Variants in YAE1 observed in about 807,000 individuals in gnomAD.
YAE1 encodes protein YAE1 homolog.
YAE1 carries 22 observed loss-of-function variants against 23.0 expected under a neutral mutation model. The ratio of observed to expected loss-of-function variants is 0.96; its 90% CI spans 0.68 to 1.37. The LOEUF is 1.37. YAE1 is among the 40% of genes most tolerant of loss of function. YAE1 has a pLI of 0.00. For synonymous variants in YAE1, 101 were observed against 97.0 expected, an observed-to-expected ratio of 1.04 and a Z score of -0.24; for missense variants, 260 against 262.1, an observed-to-expected ratio of 0.99 and a Z score of 0.06.
At chr7:39,571,255 T>C (rs1288960789) in intron 2 of YAE1, among the ~76,000 whole-genome samples, 2 of 151,112 alleles carry the variant, frequency 1.3e-5, no homozygotes, top group Non-Finnish European at 2.9e-5. Context: ...GAAATTTTTT[T>C]CATGATATTT....
intron 2 of YAE1, among the ~76,000 whole-genome samples, chr7:39,607,821 AC>A (rs1341413987): frequency 6.6e-6 from 1 of 152,100 alleles, no homozygotes; most frequent in Non-Finnish European, 1.5e-5. Flanking sequence ...GGCGTGTGCC[AC>A]CATGCCTGGC....
At chr7:39,608,970 T>C (rs1201296207) in intron 2 of YAE1, among the ~76,000 whole-genome samples, 1 of 152,236 alleles carries the variant, frequency 6.6e-6, no homozygotes, top group African/African-American at 2.4e-5. Context: ...AAGCCTGACA[T>C]GAGCTTAATG....
At chr7:39,583,026 A>T (rs1186231622) in intron 2 of YAE1, among the ~76,000 whole-genome samples, 1 of 152,266 alleles carries the variant, frequency 6.6e-6, no homozygotes, top group Non-Finnish European at 1.5e-5. Flanking sequence ...AGGTGATTTT[A>T]AAAACTTGCA....
intron 2 of YAE1, among the ~76,000 whole-genome samples, chr7:39,581,766 G>A (rs1790745959): frequency 6.6e-6 from 1 of 152,030 alleles, no homozygotes; most frequent in East Asian, 2.0e-4. Flanking sequence ...AACTACTTGG[G>A]AAGGCTGAGG....
intron 2 of YAE1, among the ~76,000 whole-genome samples, chr7:39,595,597 G>C (rs150656279): frequency 6.6e-6 from 1 of 152,146 alleles, no homozygotes; most frequent in African/African-American, 2.4e-5. Flanking sequence ...ATCAAATTAT[G>C]TATTTTTAAC....
At chr7:39,581,871 CA>C (rs1027186217) in intron 2 of YAE1, among the ~76,000 whole-genome samples, 1 of 140,786 alleles carries the variant, frequency 7.1e-6, no homozygotes. Flanking sequence ...GACCCAGTCT[CA>C]AAAAAAAAAT....
chr7:39,598,196 G>A (rs2876860), intron 2 of YAE1, among the ~76,000 whole-genome samples: 21,561 of 151,774 alleles, frequency 0.14, 3,978 homozygotes, highest in African/African-American at 0.43. Context: ...TGCAACTTCC[G>A]CCTCCCAGGT....
intron 2 of YAE1, among the ~76,000 whole-genome samples, chr7:39,595,978 C>A (rs1790966717): frequency 1.3e-5 from 2 of 152,124 alleles, no homozygotes; most frequent in South Asian, 4.1e-4. Context: ...AAATTTCAGA[C>A]CTAATCATTA....
At chr7:39,583,328 G>A (rs371191652) in intron 2 of YAE1, among the ~76,000 whole-genome samples, 55 of 152,116 alleles carry the variant, frequency 3.6e-4, no homozygotes, top group Non-Finnish European at 7.5e-4. Context: ...TATTGCATTT[G>A]TCACAATATT....
chr7:39,610,609 A>C (rs924172068), downstream of YAE1, among the ~76,000 whole-genome samples: 1 of 152,172 alleles, frequency 6.6e-6, no homozygotes, highest in Non-Finnish European at 1.5e-5. Flanking sequence ...TTCTGTAAGA[A>C]GTGTGTGTGA....
rs546740603 is a variant in YAE1, at chr7:39,608,390, G to A, written c.252-1227G>A. Among the ~76,000 whole-genome samples the A allele has an allele frequency of 6.6e-5, 10 of 152,292 alleles. No individual in the cohort carries two copies. In the East Asian group the frequency reaches 7.7e-4, roughly 12 times the overall value. Reference sequence around the variant, plus strand: ...CAAGTGACTGCTGACAAGAGAAGACGTAGGGATTGAGAGAGACAGGCAGTG... The same window carrying A: ...CAAGTGACTGCTGACAAGAGAAGACATAGGGATTGAGAGAGACAGGCAGTG... On this transcript the variant is annotated intron_variant, in intron 2 of 2. Transcript: ENST00000432096.
At chr7:39,588,543 A>C (rs1231881226) in intron 2 of YAE1, among the ~76,000 whole-genome samples, 1 of 151,018 alleles carries the variant, frequency 6.6e-6, no homozygotes, top group African/African-American at 2.4e-5. Context: ...AAAAAATGGG[A>C]GCTACCCCCC....
At chr7:39,600,673 A>G (rs1294147915) in intron 2 of YAE1, among the ~76,000 whole-genome samples, 2 of 152,212 alleles carry the variant, frequency 1.3e-5, no homozygotes, top group Non-Finnish European at 2.9e-5. Context: ...TTGGGATTAC[A>G]GGTGTGAGCC....
At chr7:39,598,646 T>C (rs947349403) in intron 2 of YAE1, among the ~76,000 whole-genome samples, 9 of 151,366 alleles carry the variant, frequency 5.9e-5, no homozygotes, top group African/African-American at 2.2e-4. Context: ...GTGTGGTGGC[T>C]CATGCCTGTA....
At chr7:39,586,755 C>T (rs890656130) in intron 2 of YAE1, among the ~76,000 whole-genome samples, 1 of 152,214 alleles carries the variant, frequency 6.6e-6, no homozygotes, top group African/African-American at 2.4e-5. Context: ...CCTCGGCCTC[C>T]CAAAGTGCTG....
At chr7:39,570,236 C>G in intron 1 of YAE1, 1 of 630,096 alleles carries the variant, frequency 1.6e-6, no homozygotes, top group Non-Finnish European at 2.7e-6. Context: ...GCGTGGCGGC[C>G]CAACACTAGG....
chr7:39,573,849 C>T (rs770260471), downstream of YAE1, among the ~76,000 whole-genome samples: 38 of 152,124 alleles, frequency 2.5e-4, no homozygotes, highest in African/African-American at 8.9e-4. Context: ...TTAAAACCCC[C>T]GCTGAAGATA....
chr7:39,609,878 C>T (rs760868636), exon 3 of YAE1: 3 of 1,534,216 alleles, frequency 2.0e-6, no homozygotes, highest in South Asian at 1.2e-5. Context: ...GCAAACCCCA[C>T]CGCGACCCTG....
intron 2 of YAE1, among the ~76,000 whole-genome samples, chr7:39,589,550 C>T (rs1024097761): frequency 2.0e-5 from 3 of 152,200 alleles, no homozygotes; most frequent in Non-Finnish European, 4.4e-5. Flanking sequence ...TGAGCCACTG[C>T]ACCCAGCCTG....
Sources: allele counts gnomAD v4.1 joint callset (sites outside exome capture counted in the v4.1 genomes callset), GRCh38; gene constraint gnomAD v4.1.1; transcripts MANE v1.5; gene names NCBI Gene and HGNC (gene_info 2026-07-23, HGNC 2026-07-21).